ANKRD13A: variants seen among roughly 807,000 people sequenced by gnomAD.
The protein encoded by ANKRD13A is ankyrin repeat domain-containing protein 13A.
In ANKRD13A, 48 loss-of-function variants were observed where a neutral mutation model predicts 81.3. The ratio of observed to expected loss-of-function variants is 0.59; its 90% CI spans 0.47 to 0.75. The LOEUF (loss-of-function observed/expected upper bound fraction) is 0.75, where lower values mean the gene tolerates loss of function less well. Among genes scored for constraint, ANKRD13A ranks in the 30% least tolerant of loss-of-function variants. ANKRD13A has a pLI of 0.00. For missense variants in ANKRD13A, 612 were observed against 734.0 expected (o/e 0.83, Z 1.92); for synonymous variants, 230 against 270.1 (o/e 0.85, Z 1.45).
chr12:110,013,099 T>C, intron 2 of ANKRD13A, 26 bp from the exon 3 acceptor site: 1 of 1,612,444 alleles, frequency 6.2e-7, no homozygotes. Flanking sequence ...AGTATGAGAA[T>C]TAAATTTCAC....
chr12:110,016,251 G>A, intron 3 of ANKRD13A, 137 bp from the exon 4 acceptor site: 1 of 614,964 alleles, frequency 1.6e-6, no homozygotes, highest in Non-Finnish European at 2.5e-6. Flanking sequence ...CCCGGCTAGG[G>A]GCTTACATTT....
chr12:110,024,088 AGTT>A lies in ANKRD13A; in HGVS notation c.781_783del (p.Val261del), dbSNP rs757551844. ...GGGGCTGGAGGACAGATAAAGCAGA[AGTT>A]GTTAATGGTTACGAAGCAAAGGTAA... On this transcript the variant is annotated inframe_deletion, in exon 7 of 15. Transcript: ENST00000261739. The A allele has an allele frequency of 6.2e-7, 1 of 1,612,000 alleles. No individual in the cohort carries two copies. Among genetic ancestry groups the A allele is most frequent in the East Asian group, 2.2e-5 (1 of 44,858 alleles).
At chr12:110,005,790 G>A (rs1890213065) in intron 1 of ANKRD13A, among the ~76,000 whole-genome samples, 1 of 152,076 alleles carries the variant, frequency 6.6e-6, no homozygotes, top group South Asian at 2.1e-4. Flanking sequence ...TATGAGTAAC[G>A]CTGCTGTGTG....
chr12:110,000,881 C>T (rs1006770874), intron 1 of ANKRD13A, among the ~76,000 whole-genome samples: 2 of 151,702 alleles, frequency 1.3e-5, no homozygotes, highest in Non-Finnish European at 2.9e-5. Flanking sequence ...CCTCAGCCCC[C>T]CAAGTAACTG....
At chr12:110,016,326 C>T (rs1341899403) in intron 3 of ANKRD13A, 62 bp from the exon 4 acceptor site, 5 of 1,285,386 alleles carry the variant, frequency 3.9e-6, no homozygotes, top group African/African-American at 1.5e-5. Flanking sequence ...CTGTTAACCC[C>T]TGCTTATGTT....
In ANKRD13A at chr12:110,039,063, G is replaced by GTTTTTTTTTTTTTTT; in HGVS notation, c.*1513_*1514insTTTTTTTTTTTTTTT. ...TGCTTTTAATTCCATTTCACAATCT[G>GTTTTTTTTTTTTTTT]TTTTGTTTTTTTTTTTTGTCATTGT... On this transcript the variant is annotated 3_prime_UTR_variant, in exon 15 of 15. Transcript: ENST00000261739. 6.9e-6 allele frequency: 1 copy of GTTTTTTTTTTTTTTT among 144,854 alleles called. No homozygotes were observed. The allele number at this position is 144,854 out of a possible 1,614,324, so 9.0% of individuals were successfully genotyped here. A position where few individuals can be genotyped will look rare whatever the true frequency, so the allele number is the denominator to read the frequency against.
At chr12:110,029,376 G>C (rs1891545173) in intron 10 of ANKRD13A, 102 bp from the exon 11 acceptor site, 3 of 1,252,806 alleles carry the variant, frequency 2.4e-6, no homozygotes, top group South Asian at 2.7e-5. Context: ...ACTGGGCAGA[G>C]TGTGGAGTAA....
At chr12:110,002,606 G>C (rs980482048) in intron 1 of ANKRD13A, among the ~76,000 whole-genome samples, 3 of 152,028 alleles carry the variant, frequency 2.0e-5, no homozygotes, top group Non-Finnish European at 2.9e-5. Context: ...ACAGAGCGAG[G>C]CTCCGACTCA....
rs966596195 is a variant in ANKRD13A, at chr12:110,036,554, C to T, written c.1577+226C>T. 1.3e-5 allele frequency among the ~76,000 whole-genome samples: 2 copies of T among 152,158 alleles called. No individual in the cohort carries two copies. Among genetic ancestry groups the T allele is most frequent in the African/African-American group, 4.8e-5 (2 of 41,436 alleles). ...CACGAGGTCAGAAGATTGAGACCAT[C>T]CTGGCTAACACGGTGAAACCCTGTC... On this transcript the variant is annotated intron_variant, in intron 14 of 14. Coordinates refer to ENST00000261739, the MANE Select transcript of ANKRD13A (RefSeq NM_033121.2). The surrounding 1 kb of genome is among the most constrained non-coding windows in gnomAD (Gnocchi z 4.6).
intron 9 of ANKRD13A, 42 bp downstream of exon 9, chr12:110,027,808 G>C (rs760366129): frequency 1.2e-5 from 19 of 1,598,550 alleles, no homozygotes; most frequent in African/African-American, 4.0e-5. Context: ...TAGATGAAAG[G>C]AAACAACTTG....
rs755439564 is a variant in ANKRD13A, at chr12:110,037,503, G to A, written c.1722G>A (p.Glu574=). 3.1e-6 allele frequency: 5 copies of A among 1,614,134 alleles called. No homozygotes were observed. The highest frequency in any genetic ancestry group is 4.2e-6 in the Non-Finnish European group (5 of 1,180,040). Reference sequence around the variant, plus strand: ...AGGAATGGGAGCTCCGGCTCCAGGAGGAAGAGGCTGAGCTCCAGCAAGTCT... The same window carrying A: ...AGGAATGGGAGCTCCGGCTCCAGGAAGAAGAGGCTGAGCTCCAGCAAGTCT... ...ELEEWELRLQ[E]EEAELQQVLQ... The change falls in exon 15 of 15, where the codon GAG becomes GAA. Residue 574 remains glutamate, a synonymous_variant. Coordinates refer to ENST00000261739, the MANE Select transcript of ANKRD13A (RefSeq NM_033121.2).
chr12:110,012,905 C>T (rs1459820093), intron 2 of ANKRD13A, among the ~76,000 whole-genome samples: 1 of 152,032 alleles, frequency 6.6e-6, no homozygotes, highest in Non-Finnish European at 1.5e-5. Context: ...GAATAGGGGT[C>T]GGGAGAGGTG....
At chr12:110,003,841 A>G (rs781286699) in intron 1 of ANKRD13A, among the ~76,000 whole-genome samples, 2 of 152,064 alleles carry the variant, frequency 1.3e-5, no homozygotes, top group Non-Finnish European at 2.9e-5. Context: ...TGGCCAATAT[A>G]GTAAGACTCC....
intron 8 of ANKRD13A, among the ~76,000 whole-genome samples, chr12:110,026,147 G>C (rs527882498): frequency 3.1e-4 from 47 of 151,884 alleles, no homozygotes; most frequent in African/African-American, 9.6e-4. Context: ...ATTTTCAGTA[G>C]AGACGGGGTT....
At position 110,028,560 on chromosome 12, in the gene ANKRD13A, C is replaced by A; in HGVS notation, c.994C>A (p.Pro332Thr). 1 of 1,614,124 alleles carries A rather than the reference C, an allele frequency of 6.2e-7. No individual in the cohort carries two copies. The highest frequency in any genetic ancestry group is 8.5e-7 in the Non-Finnish European group (1 of 1,180,022). ...TGCAAACAACCCCACAGCCATCACG[C>A]CTGATGAGTACTTCAATGAAGAGTT... ...ATANNPTAIT[P>T]DEYFNEEFDL... The change falls in exon 10 of 15, where the codon CCT becomes ACT. Residue 332 changes from proline (P) to threonine (T), a missense_variant. Pro to Thr is a conservative substitution (Grantham distance 38). Transcript: ENST00000261739.
intron 6 of ANKRD13A, chr12:110,021,356 C>T: frequency 5.3e-6 from 1 of 187,316 alleles, no homozygotes; most frequent in South Asian, 8.6e-5. Flanking sequence ...TGTGAGTATT[C>T]ATTTGATTGA....
At chr12:110,019,072 A>G in intron 5 of ANKRD13A, 67 bp from the exon 6 acceptor site, 2 of 1,470,120 alleles carry the variant, frequency 1.4e-6, no homozygotes, top group Non-Finnish European at 1.8e-6. Flanking sequence ...ATTTTAACAT[A>G]CGAAGCTTCC....
At chr12:110,027,436 G>A (rs2137156767) in intron 8 of ANKRD13A, 1 of 399,096 alleles carries the variant, frequency 2.5e-6, no homozygotes, top group Non-Finnish European at 4.6e-6. Context: ...AGGTGGGGTT[G>A]GAATCCAGGT....
intron 10 of ANKRD13A, 110 bp from the exon 11 acceptor site, chr12:110,029,368 T>G: frequency 8.5e-7 from 1 of 1,174,654 alleles, no homozygotes; most frequent in Non-Finnish European, 1.2e-6. Flanking sequence ...AAGAGATGAC[T>G]GGGCAGAGTG....
Sources: gnomAD v4.1 joint callset for allele counts (sites outside exome capture counted in the v4.1 genomes callset) on GRCh38, gnomAD v4.1.1 for gene constraint, Gnocchi (gnomAD v3.1) non-coding constraint, MANE v1.5 for transcripts, NCBI Gene and HGNC (gene_info 2026-07-23, HGNC 2026-07-21) for gene names.